The following HDAC9 variants were observed in gnomAD, a reference collection of about 807,000 sequenced individuals.
HDAC9 encodes MEF-2 interacting transcription repressor (MITR) protein.
Under a neutral mutation model 139.4 loss-of-function variants are expected in HDAC9, and 41 were observed. The observed-to-expected ratio is 0.29, with a 90% CI of 0.23 to 0.38. HDAC9 has a LOEUF of 0.38. Ranked by LOEUF, HDAC9 falls within the 10% of genes least tolerant of loss-of-function variation. HDAC9 has a pLI of 1.00. For synonymous variants in HDAC9, 517 were observed against 476.2 expected (o/e 1.09, Z -1.12); for missense variants, 1,147 against 1,297.0 (o/e 0.88, Z 1.78).
chr7:18,187,808 G>T (rs567073136), intron 2 of HDAC9, among the ~76,000 whole-genome samples: 1 of 152,098 alleles, frequency 6.6e-6, no homozygotes, highest in Non-Finnish European at 1.5e-5. Context: ...TAATCACAAG[G>T]CATTCCTACT....
intron 1 of HDAC9, among the ~76,000 whole-genome samples, chr7:18,332,394 A>T (rs62449152): frequency 3.4e-3 from 388 of 113,240 alleles, no homozygotes; most frequent in African/African-American, 4.1e-3. Flanking sequence ...TGTGTGTGTG[A>T]GAGAGAGAGA....
chr7:18,427,363 A>C (rs1321237522), intron 1 of HDAC9, among the ~76,000 whole-genome samples: 2 of 151,874 alleles, frequency 1.3e-5, no homozygotes, highest in African/African-American at 2.4e-5. Flanking sequence ...GGTTCTCTAG[A>C]CGTAAACATT....
Position 18,647,762 on chromosome 7 carries a change from ATCT to A in HDAC9, c.1036-21_1036-19del. 1 of 1,576,936 alleles carries A rather than the reference ATCT, an allele frequency of 6.3e-7. No individual in the cohort carries two copies. Among genetic ancestry groups the A allele is most frequent in the South Asian group, 1.2e-5 (1 of 86,514 alleles). ...CCCACATGGATGAAAGAGGATTAAC[ATCT>A]TTGTTATTTCTCAACACAGGCTTCG... On this transcript the variant is annotated intron_variant, in intron 9 of 25. Coordinates refer to ENST00000686413, the MANE Select transcript of HDAC9 (RefSeq NM_178425.4).
intron 2 of HDAC9, among the ~76,000 whole-genome samples, chr7:18,177,567 C>G (rs1789024100): frequency 1.3e-5 from 2 of 152,252 alleles, no homozygotes; most frequent in South Asian, 4.1e-4. Flanking sequence ...CTGGGAGTGT[C>G]CTGTTTACTT....
rs1788388317 is a variant in HDAC9, at chr7:18,409,976, T to C, written c.-41-86286T>C. On this transcript the variant is annotated intron_variant, in intron 1 of 3. Transcript: ENST00000413509. ...GTAGTAAAGTGAACAATAGAAAGTA[T>C]TCGTTTTATTTTAAATTTTTAGTCC... Among the ~76,000 whole-genome samples the C allele has an allele frequency of 3.9e-5, 6 of 152,096 alleles. 1 individual carries two copies. The South Asian group carries it at 1.2e-3, about 32-fold the overall frequency.
intron 2 of HDAC9, among the ~76,000 whole-genome samples, chr7:18,178,182 C>G (rs1211305473): frequency 6.6e-6 from 1 of 152,014 alleles, no homozygotes; most frequent in Non-Finnish European, 1.5e-5. Context: ...CTCCCTAGTT[C>G]AAGCAATTCC....
At chr7:18,441,708 C>G (rs1791775887) in intron 1 of HDAC9, among the ~76,000 whole-genome samples, 1 of 152,186 alleles carries the variant, frequency 6.6e-6, no homozygotes, top group Admixed American at 6.5e-5. Context: ...CTCTCTTCTT[C>G]CACCTATCTT....
intron 1 of HDAC9, among the ~76,000 whole-genome samples, chr7:18,133,042 G>A: frequency 6.6e-6 from 1 of 152,076 alleles, no homozygotes; most frequent in East Asian, 1.9e-4. Context: ...TGCTCACCAT[G>A]GAAACAGCTG....
chr7:18,253,177 G>A (rs1365360050), intron 2 of HDAC9, among the ~76,000 whole-genome samples: 1 of 152,150 alleles, frequency 6.6e-6, no homozygotes, highest in Non-Finnish European at 1.5e-5. Context: ...GGTTGATCCT[G>A]TGTCTTTGCT....
chr7:18,757,310 A>G (rs1179397945), intron 14 of HDAC9, among the ~76,000 whole-genome samples: 1 of 152,176 alleles, frequency 6.6e-6, no homozygotes, highest in African/African-American at 2.4e-5. Flanking sequence ...AGAAAATGGG[A>G]TATTTCAGTG....
intron 1 of HDAC9, among the ~76,000 whole-genome samples, chr7:18,290,887 A>G (rs1346746028): frequency 3.9e-5 from 6 of 152,196 alleles, no homozygotes; most frequent in African/African-American, 1.4e-4. Context: ...ATGTCCGCCT[A>G]GATCCTGAAA....
intron 2 of HDAC9, among the ~76,000 whole-genome samples, chr7:18,198,655 A>G (rs1167045136): frequency 6.6e-6 from 1 of 152,172 alleles, no homozygotes; most frequent in East Asian, 1.9e-4. Context: ...TCAATATGTG[A>G]TGGTTAAATT....
chr7:18,154,754 C>T (rs1787047497), intron 1 of HDAC9, among the ~76,000 whole-genome samples: 1 of 152,136 alleles, frequency 6.6e-6, no homozygotes, highest in Admixed American at 6.5e-5. Flanking sequence ...AAAATGTACA[C>T]AATATTGAAG....
chr7:18,255,359 A>C (rs998243528), intron 2 of HDAC9, among the ~76,000 whole-genome samples: 1 of 152,200 alleles, frequency 6.6e-6, no homozygotes, highest in Admixed American at 6.5e-5. Context: ...CAACATCATG[A>C]GGAAGGAAGT....
At chr7:18,231,685 C>CT (rs1793470924) in intron 2 of HDAC9, among the ~76,000 whole-genome samples, 1 of 152,156 alleles carries the variant, frequency 6.6e-6, no homozygotes, top group Admixed American at 6.5e-5. Flanking sequence ...ACCAGAGCCT[C>CT]TATGTGGGAG....
intron 2 of HDAC9, among the ~76,000 whole-genome samples, chr7:18,553,034 A>G (rs1459517292): frequency 6.6e-6 from 1 of 152,158 alleles, no homozygotes; most frequent in Non-Finnish European, 1.5e-5. Context: ...TCTACTTTTG[A>G]ACTAGGTCTT....
At chr7:18,563,193 A>G (rs1821142750) in intron 2 of HDAC9, among the ~76,000 whole-genome samples, 1 of 152,166 alleles carries the variant, frequency 6.6e-6, no homozygotes. Context: ...ATTAATTTCA[A>G]AAAGTTCAAT....
At chr7:18,668,842 G>T in intron 12 of HDAC9, 1 of 982,520 alleles carries the variant, frequency 1.0e-6, no homozygotes, top group Non-Finnish European at 1.2e-6. Context: ...TTTTTTAAAA[G>T]ATCCCCTTTC....
At chr7:18,404,130 A>T (rs756149266) in intron 1 of HDAC9, among the ~76,000 whole-genome samples, 8 of 152,214 alleles carry the variant, frequency 5.3e-5, no homozygotes, top group Non-Finnish European at 1.0e-4. Flanking sequence ...GTATCTTCAA[A>T]TTTCTTCTTT....
Sources: allele counts gnomAD v4.1 joint callset (sites outside exome capture counted in the v4.1 genomes callset), GRCh38; gene constraint gnomAD v4.1.1; transcripts MANE v1.5; gene names NCBI Gene and HGNC (gene_info 2026-07-23, HGNC 2026-07-21).